SOX6: variants seen among roughly 807,000 people sequenced by gnomAD.
SOX6 encodes the protein transcription factor SOX-6.
Under a neutral mutation model 97.8 loss-of-function variants are expected in SOX6, and 11 were observed. The observed-to-expected ratio is 0.11, with a 90% confidence interval of 0.07 to 0.19. The LOEUF (loss-of-function observed/expected upper bound fraction) is 0.19, where lower values mean the gene tolerates loss of function less well. Ranked by LOEUF, SOX6 falls within the 10% of genes least tolerant of loss-of-function variation. The pLI is 1.00. For missense variants in SOX6, 810 were observed against 1,039.5 expected, an observed-to-expected ratio of 0.78 and a Z score of 3.04; for synonymous variants, 360 against 371.4, an observed-to-expected ratio of 0.97 and a Z score of 0.35.
chr11:16,295,086 G>C (rs1348171153), intron 3 of SOX6, among the ~76,000 whole-genome samples: 2 of 151,960 alleles, frequency 1.3e-5, no homozygotes, highest in Non-Finnish European at 2.9e-5. Flanking sequence ...TGACAAAATT[G>C]ATCATTATTG....
chr11:16,644,252 C>A (rs1848974487), intron 3 of SOX6, among the ~76,000 whole-genome samples: 1 of 152,154 alleles, frequency 6.6e-6, no homozygotes, highest in South Asian at 2.1e-4. Context: ...GTTGCCCATG[C>A]TGGTCTCAAA....
At chr11:16,404,545 T>A (rs1858643751) in intron 1 of SOX6, among the ~76,000 whole-genome samples, 1 of 151,854 alleles carries the variant, frequency 6.6e-6, no homozygotes. Flanking sequence ...AAACTAAAAG[T>A]TGCAAGATAC....
intron 2 of SOX6, among the ~76,000 whole-genome samples, chr11:16,339,034 T>C (rs577820587): frequency 3.8e-4 from 58 of 152,158 alleles, no homozygotes; most frequent in Non-Finnish European, 7.7e-4. Context: ...TATGACTAGA[T>C]TTGGCATAAA....
At chr11:16,107,416 T>TGTATATATATAG (rs1849120520) in intron 7 of SOX6, among the ~76,000 whole-genome samples, 1 of 140,768 alleles carries the variant, frequency 7.1e-6, no homozygotes, top group African/African-American at 2.9e-5. Context: ...TATATATATA[T>TGTATATATATAG]ACATATATAT....
intron 13 of SOX6, among the ~76,000 whole-genome samples, chr11:15,998,758 C>T (rs1854308807): frequency 6.6e-6 from 1 of 152,030 alleles, no homozygotes; most frequent in South Asian, 2.1e-4. Context: ...TCTTGTATCA[C>T]ACATTATATA....
intron 4 of SOX6, among the ~76,000 whole-genome samples, chr11:16,530,077 A>C (rs1183305602): frequency 1.3e-5 from 2 of 152,026 alleles, no homozygotes; most frequent in Non-Finnish European, 2.9e-5. Flanking sequence ...TAACAGAAAA[A>C]AAAACACAGC....
chr11:15,992,712 C>T (rs1854092805), intron 13 of SOX6, among the ~76,000 whole-genome samples: 2 of 152,076 alleles, frequency 1.3e-5, no homozygotes, highest in South Asian at 4.1e-4. Context: ...GTAATATAAA[C>T]CACAAATGCC....
At chr11:16,063,534 A>ATG (rs1848017431) in intron 9 of SOX6, among the ~76,000 whole-genome samples, 1 of 89,052 alleles carries the variant, frequency 1.1e-5, no homozygotes, top group Admixed American at 1.0e-4. Flanking sequence ...ATATATATAT[A>ATG]TATATATATA....
chr11:16,019,334 T>C (rs1854983361), intron 12 of SOX6, among the ~76,000 whole-genome samples: 1 of 152,142 alleles, frequency 6.6e-6, no homozygotes, highest in South Asian at 2.1e-4. Flanking sequence ...ATGGTCTGAA[T>C]GAGAGGTACT....
At chr11:16,551,053 AC>A (rs1378551422) in intron 4 of SOX6, among the ~76,000 whole-genome samples, 1 of 152,150 alleles carries the variant, frequency 6.6e-6, no homozygotes, top group Non-Finnish European at 1.5e-5. Context: ...CCCCAACTTT[AC>A]AAAAATATTA....
intron 3 of SOX6, among the ~76,000 whole-genome samples, chr11:16,261,303 T>C (rs1283961342): frequency 1.3e-5 from 2 of 152,198 alleles, no homozygotes; most frequent in African/African-American, 4.8e-5. Flanking sequence ...AGATTTAGCA[T>C]GCAGTAAATC....
chr11:15,975,363 C>T (rs1024286589), intron 15 of SOX6, among the ~76,000 whole-genome samples: 1 of 152,042 alleles, frequency 6.6e-6, no homozygotes, highest in Non-Finnish European at 1.5e-5. Flanking sequence ...AATGTTTTTG[C>T]CTTAATCACA....
chr11:16,678,881 C>T (rs972894501), intron 3 of SOX6, among the ~76,000 whole-genome samples: 1 of 152,200 alleles, frequency 6.6e-6, no homozygotes, highest in Admixed American at 6.5e-5. Flanking sequence ...ACCTGCGATG[C>T]TGCAGATTGG....
At chr11:16,440,960 C>T (rs1039419885) in intron 1 of SOX6, among the ~76,000 whole-genome samples, 1 of 152,044 alleles carries the variant, frequency 6.6e-6, no homozygotes, top group Admixed American at 6.5e-5. Flanking sequence ...TACTGCCTGT[C>T]AAATTGGAGT....
chr11:15,975,719 C>T (rs971405511), intron 15 of SOX6, among the ~76,000 whole-genome samples: 2 of 152,110 alleles, frequency 1.3e-5, no homozygotes, highest in African/African-American at 4.8e-5. Context: ...AAAATTCAAG[C>T]TGTTTGTTCA....
At chr11:16,407,086 T>C (rs1858702000) in intron 1 of SOX6, among the ~76,000 whole-genome samples, 1 of 152,144 alleles carries the variant, frequency 6.6e-6, no homozygotes, top group Non-Finnish European at 1.5e-5. Flanking sequence ...TTGTCTCAGA[T>C]GCTTCCCTTC....
intron 3 of SOX6, among the ~76,000 whole-genome samples, chr11:16,277,292 T>C (rs1854430846): frequency 6.6e-6 from 1 of 152,030 alleles, no homozygotes; most frequent in Non-Finnish European, 1.5e-5. Context: ...ATCTCCCTCT[T>C]ATCCCTCTCA....
At chr11:16,596,734 C>A (rs1392436531) in intron 4 of SOX6, among the ~76,000 whole-genome samples, 1 of 152,196 alleles carries the variant, frequency 6.6e-6, no homozygotes, top group Non-Finnish European at 1.5e-5. Flanking sequence ...AGCCTTTTCA[C>A]CATCAAGGAT....
intron 2 of SOX6, among the ~76,000 whole-genome samples, chr11:16,728,192 G>A (rs760887070): frequency 3.0e-4 from 45 of 152,196 alleles, no homozygotes; most frequent in Non-Finnish European, 6.0e-4. Context: ...CTGCCTGCTG[G>A]TTCTGAGAGA....
Sources: gnomAD v4.1 joint callset for allele counts (sites outside exome capture counted in the v4.1 genomes callset) on GRCh38, gnomAD v4.1.1 for gene constraint, MANE v1.5 for transcripts, NCBI Gene and HGNC (gene_info 2026-07-23, HGNC 2026-07-21) for gene names.